The following KIF27 variants were observed in gnomAD, a reference collection of about 807,000 sequenced individuals.
KIF27 encodes the protein kinesin-like protein KIF27.
KIF27 carries 84 observed loss-of-function variants against 141.8 expected under a neutral mutation model. The ratio of observed to expected loss-of-function variants is 0.59; its 90% CI spans 0.50 to 0.71. The LOEUF (loss-of-function observed/expected upper bound fraction) is 0.71. KIF27 is among the 30% of genes least tolerant of loss of function. The probability of loss-of-function intolerance (pLI) is 0.00; values close to 1 mark genes in which losing one functional copy is unlikely to be tolerated. For synonymous variants in KIF27, 471 were observed against 569.5 expected (o/e 0.83, Z 2.46); for missense variants, 1,306 against 1,628.4 (o/e 0.80, Z 3.41).
At chr9:83,886,454 G>A (rs906515668) in intron 9 of KIF27, among the ~76,000 whole-genome samples, 1 of 152,044 alleles carries the variant, frequency 6.6e-6, no homozygotes, top group Non-Finnish European at 1.5e-5. Flanking sequence ...ACTTTTCAAT[G>A]CCCTCTCACT....
chr9:83,853,305 A>C (rs1465900997), intron 15 of KIF27, among the ~76,000 whole-genome samples: 1 of 152,040 alleles, frequency 6.6e-6, no homozygotes, highest in Non-Finnish European at 1.5e-5. Context: ...GCCAGGTAGA[A>C]CATCCAAATC....
intron 4 of KIF27, 40 bp downstream of exon 4, chr9:83,903,020 A>G (rs761917752): frequency 1.6e-5 from 21 of 1,273,076 alleles, no homozygotes; most frequent in Non-Finnish European, 2.1e-5. Context: ...TTATGTATCA[A>G]TAAAATAAAT....
In KIF27 at chr9:83,864,397, G is replaced by A. The variant is rs558392052; in HGVS notation, c.2934+3287C>T. 2.3e-3 allele frequency among the ~76,000 whole-genome samples: 349 copies of A among 152,268 alleles called. 3 individuals carry two copies. The highest frequency in any genetic ancestry group is 8.0e-3 in the African/African-American group (334 of 41,558). On this transcript the variant is annotated intron_variant, in intron 13 of 17. Transcript: ENST00000297814. ...TGTCTTTGTTCTTGTTGGTTTCAAA[G>A]AACATCTTTATTTCTGCCTTCATTT... is the stretch of plus-strand genomic sequence containing the variant.
At position 83,887,090 on chromosome 9, in the gene KIF27, T is replaced by C. The variant is rs1952174845; in HGVS notation, c.2190A>G (p.Thr730=). Reference sequence around the variant, plus strand: ...GATCTTCCTTCATCTTGATGTTAATTGTAAGTTCTCTCATTTTTTGTTTAG... The same window carrying C: ...GATCTTCCTTCATCTTGATGTTAATCGTAAGTTCTCTCATTTTTTGTTTAG... The part of the protein sequence containing the change: ...TEAKQKMREL[T]INIKMKEDLI... The change falls in exon 9 of 18, where the codon ACA becomes ACG. Residue 730 remains threonine (T), a synonymous_variant. Coordinates refer to ENST00000297814, the MANE Select transcript of KIF27 (RefSeq NM_017576.4). 1.2e-6 allele frequency: 2 copies of C among 1,601,058 alleles called. No homozygotes were observed. The highest frequency in any genetic ancestry group is 4.5e-5 in the East Asian group (2 of 44,408).
chr9:83,913,043 T>C (rs1002963961), intron 2 of KIF27, among the ~76,000 whole-genome samples: 1 of 151,066 alleles, frequency 6.6e-6, no homozygotes, highest in Non-Finnish European at 1.5e-5. Flanking sequence ...TATGTCCCTG[T>C]AGTCCCAGAT....
chr9:83,866,890 G>T (rs1326118135), intron 13 of KIF27, among the ~76,000 whole-genome samples: 1 of 151,324 alleles, frequency 6.6e-6, no homozygotes, highest in African/African-American at 2.4e-5. Context: ...TAATTCAATG[G>T]TTTTTCATAT....
chr9:83,850,115 T>C lies in KIF27; in HGVS notation c.3540A>G (p.Leu1180=), dbSNP rs2542781. The change falls in exon 16 of 18, where the codon CTA becomes CTG. Residue 1180 remains leucine, a synonymous_variant. Transcript: ENST00000297814. ...QKEHEQKMQL[L]LHHFKEQDGE... is the part of the protein sequence containing the mutation. ...GGAAGTTACCTTTGAAATGATGTAA[T>C]AGCAACTGCATCTTTTGTTCGTGTT... 19 of 1,613,928 alleles carry C rather than the reference T, an allele frequency of 1.2e-5. No individual in the cohort carries two copies. The highest frequency in any genetic ancestry group is 8.0e-5 in the African/African-American group (6 of 75,054).
intron 11 of KIF27, among the ~76,000 whole-genome samples, chr9:83,873,326 C>T (rs902986846): frequency 2.0e-5 from 3 of 152,238 alleles, no homozygotes; most frequent in Non-Finnish European, 4.4e-5. Context: ...ACAACATACA[C>T]TGGCTGTCAT....
intron 13 of KIF27, 142 bp downstream of exon 13, chr9:83,867,542 A>G (rs1431468341): frequency 1.8e-6 from 2 of 1,099,522 alleles, no homozygotes; most frequent in African/African-American, 3.3e-5. Flanking sequence ...CCATTTTCCA[A>G]TTTCACCAGC....
Position 83,903,918 on chromosome 9 carries a change from CATTT to C in KIF27, c.596_599del (p.Gln199ArgfsTer52), listed in dbSNP as rs1457287120. 10 of 1,614,050 alleles carry C rather than the reference CATTT, an allele frequency of 6.2e-6. No homozygotes were observed. Among genetic ancestry groups the C allele is most frequent in the South Asian group, 5.5e-5 (5 of 91,088 alleles). ...CATGTGATCTGCTGGAGTGCTCATT[CATTT>C]GAGTGGTACCTGTATGTCTGGCTGC... On this transcript the variant is annotated frameshift_variant, in exon 4 of 18. Transcript: ENST00000297814. LOFTEE classifies it high-confidence loss of function.
intron 5 of KIF27, among the ~76,000 whole-genome samples, chr9:83,897,107 T>TTTTAAAAA (rs1953341510): frequency 6.6e-6 from 1 of 152,092 alleles, no homozygotes; most frequent in Non-Finnish European, 1.5e-5. Flanking sequence ...AAAGTAATTA[T>TTTTAAAAA]TTTAAAAATT....
At chr9:83,865,787 G>A (rs1950309272) in intron 13 of KIF27, among the ~76,000 whole-genome samples, 1 of 151,956 alleles carries the variant, frequency 6.6e-6, no homozygotes, top group Admixed American at 6.6e-5. Context: ...CTTTAATAGT[G>A]GCATTCCTGA....
At chr9:83,913,623 G>T (rs1955406448) in intron 2 of KIF27, among the ~76,000 whole-genome samples, 1 of 152,120 alleles carries the variant, frequency 6.6e-6, no homozygotes, top group Admixed American at 6.6e-5. Flanking sequence ...TTTTAGTAGA[G>T]ACAGGGTTTC....
At chr9:83,897,589 C>A (rs1196828489) in intron 5 of KIF27, among the ~76,000 whole-genome samples, 6 of 151,996 alleles carry the variant, frequency 3.9e-5, no homozygotes, top group African/African-American at 1.4e-4. Context: ...AGAACAAATA[C>A]CATTAACCAT....
Position 83,892,137 on chromosome 9 carries a change from A to G in KIF27, c.1603-636T>C, listed in dbSNP as rs563037181. ...AAAATTTTTGAAGTGTATCAAATCTAGAAAGCTCTAATGTCAATCTTTGTT... is the reference window on the plus strand; with the variant it reads ...AAAATTTTTGAAGTGTATCAAATCTGGAAAGCTCTAATGTCAATCTTTGTT... On this transcript the variant is annotated intron_variant, in intron 5 of 17. Coordinates refer to ENST00000297814, the MANE Select transcript of KIF27 (RefSeq NM_017576.4). Among the ~76,000 whole-genome samples, 3 of 152,336 alleles carry G rather than the reference A, an allele frequency of 2.0e-5. No individual in the cohort carries two copies. The South Asian group carries it at 6.2e-4, about 32-fold the overall frequency.
chr9:83,891,169 G>A (rs1430733946), intron 6 of KIF27, 126 bp downstream of exon 6: 3 of 652,566 alleles, frequency 4.6e-6, no homozygotes, highest in South Asian at 2.2e-5. Context: ...AAAAGAAAAG[G>A]TATACACAAA....
intron 13 of KIF27, among the ~76,000 whole-genome samples, chr9:83,862,072 T>C (rs916516895): frequency 6.6e-6 from 1 of 151,880 alleles, no homozygotes; most frequent in African/African-American, 2.4e-5. Flanking sequence ...ATTCTGGATA[T>C]TAGCCCTTTG....
intron 2 of KIF27, among the ~76,000 whole-genome samples, chr9:83,911,446 A>G (rs1375383185): frequency 6.6e-6 from 1 of 151,532 alleles, no homozygotes; most frequent in Non-Finnish European, 1.5e-5. Context: ...GGCTAGGATG[A>G]TCTCGATTTT....
intron 5 of KIF27, among the ~76,000 whole-genome samples, chr9:83,893,603 T>A (rs1952888322): frequency 6.6e-6 from 1 of 151,176 alleles, no homozygotes; most frequent in Admixed American, 6.6e-5. Flanking sequence ...GGAGTGCAAG[T>A]CAAGATAAGC....
Sources: allele counts gnomAD v4.1 joint callset (sites outside exome capture counted in the v4.1 genomes callset), GRCh38; gene constraint gnomAD v4.1.1; transcripts MANE v1.5; gene names NCBI Gene and HGNC (gene_info 2026-07-23, HGNC 2026-07-21).